The following FKBP5 variants were observed in gnomAD, a reference collection of about 807,000 sequenced individuals.
FKBP5 encodes peptidyl-prolyl cis-trans isomerase FKBP5.
FKBP5 carries 23 observed loss-of-function variants against 50.5 expected under a neutral mutation model. That is an observed-to-expected ratio of 0.46 (90% CI 0.33 to 0.65). FKBP5 has a LOEUF of 0.65. Ranked by LOEUF, FKBP5 falls within the 30% of genes least tolerant of loss-of-function variation. The pLI is 0.02. For missense variants in FKBP5, 411 were observed against 553.1 expected, an observed-to-expected ratio of 0.74 and a Z score of 2.58; for synonymous variants, 176 against 190.6, an observed-to-expected ratio of 0.92 and a Z score of 0.63.
chr6:35,614,507 T>TTTGCCAGACTCGTAGA (rs1763584816), intron 5 of FKBP5, among the ~76,000 whole-genome samples: 6 of 152,058 alleles, frequency 3.9e-5, no homozygotes, highest in African/African-American at 1.5e-4. Flanking sequence ...TTGAGTAACA[T>TTTGCCAGACTCGTAGA]AATCACATTG....
upstream of FKBP5, among the ~76,000 whole-genome samples, chr6:35,692,194 G>T (rs974298503): frequency 6.6e-6 from 1 of 152,134 alleles, no homozygotes; most frequent in Non-Finnish European, 1.5e-5. Context: ...TACCCAGGCT[G>T]GCCTGGAACC....
chr6:35,623,052 C>T (rs1419753996), intron 3 of FKBP5, among the ~76,000 whole-genome samples: 1 of 151,890 alleles, frequency 6.6e-6, no homozygotes, highest in Non-Finnish European at 1.5e-5. Context: ...ACCATCCTGG[C>T]TCACACGGTG....
At chr6:35,708,648 C>T (rs995145594) in intron 2 of FKBP5, among the ~76,000 whole-genome samples, 21 of 152,012 alleles carry the variant, frequency 1.4e-4, no homozygotes, top group Admixed American at 4.6e-4. Context: ...AGTATCCATT[C>T]TTCTCTTCCC....
At chr6:35,689,716 C>T (rs1031112114), upstream of FKBP5, among the ~76,000 whole-genome samples, 1 of 152,000 alleles carries the variant, frequency 6.6e-6, no homozygotes, top group Non-Finnish European at 1.5e-5. Context: ...TGGCGCGCGC[C>T]GTCCCAGCTA....
intron 1 of FKBP5, among the ~76,000 whole-genome samples, chr6:35,726,536 CCACACACACACACA>C (rs10599241): frequency 4.6e-4 from 64 of 139,384 alleles, no homozygotes; most frequent in South Asian, 1.2e-3. Context: ...TCCTCCTCCT[CCACACACACACACA>C]CACACACACA....
chr6:35,629,297 G>A (rs1416711922), intron 3 of FKBP5, among the ~76,000 whole-genome samples: 1 of 151,944 alleles, frequency 6.6e-6, no homozygotes. Context: ...GTAGAGATGG[G>A]GTTTCACCAT....
intron 1 of FKBP5, among the ~76,000 whole-genome samples, chr6:35,728,047 C>A (rs1021283066): frequency 5.9e-5 from 9 of 152,196 alleles, no homozygotes; most frequent in African/African-American, 2.2e-4. Context: ...GAGCGCAAGC[C>A]GCGAGCACAA....
intron 4 of FKBP5, 72 bp from the exon 5 acceptor site, chr6:35,619,282 C>A (rs1763753664): frequency 1.2e-6 from 1 of 859,942 alleles, no homozygotes; most frequent in Non-Finnish European, 1.9e-6. Context: ...AAGGCAAGGG[C>A]AACCAATTAT....
At chr6:35,656,687 C>A (rs965827753) in intron 1 of FKBP5, among the ~76,000 whole-genome samples, 1 of 151,674 alleles carries the variant, frequency 6.6e-6, no homozygotes, top group Non-Finnish European at 1.5e-5. Flanking sequence ...GTCAGGAGTT[C>A]GAGATTTGAG....
At chr6:35,719,900 G>A (rs989705538) in intron 2 of FKBP5, among the ~76,000 whole-genome samples, 2 of 152,234 alleles carry the variant, frequency 1.3e-5, no homozygotes, top group African/African-American at 4.8e-5. Flanking sequence ...GTGAGTCTTG[G>A]CTGAGGGGTG....
intron 9 of FKBP5, among the ~76,000 whole-genome samples, chr6:35,578,805 T>C (rs1238562240): frequency 1.3e-5 from 2 of 151,296 alleles, no homozygotes; most frequent in Admixed American, 6.6e-5. Context: ...GAGAACAGGC[T>C]TCCTATTGCC....
intron 1 of FKBP5, among the ~76,000 whole-genome samples, chr6:35,655,335 T>C (rs1764918162): frequency 6.6e-6 from 1 of 152,100 alleles, no homozygotes; most frequent in Admixed American, 6.5e-5. Context: ...CCATGGAACT[T>C]ACATTTTGAT....
At chr6:35,610,627 T>A (rs1277629966) in intron 5 of FKBP5, among the ~76,000 whole-genome samples, 1 of 149,734 alleles carries the variant, frequency 6.7e-6, no homozygotes, top group Non-Finnish European at 1.5e-5. Context: ...CTAGTCGAAG[T>A]CCTAACACTT....
rs534693368 is a variant in FKBP5, at chr6:35,622,967, G to A, written c.251-2693C>T. Reference sequence around the variant, plus strand: ...TTTAAGAATTATTAGATAAGGCCGGGCGTGGTGGCTCACGCCTGTAATCCC... The same window carrying A: ...TTTAAGAATTATTAGATAAGGCCGGACGTGGTGGCTCACGCCTGTAATCCC... On this transcript the variant is annotated intron_variant, in intron 3 of 10. Transcript: ENST00000357266. Among the ~76,000 whole-genome samples the A allele has an allele frequency of 2.8e-4, 42 of 152,344 alleles. No homozygotes were observed. The South Asian group carries it at 3.9e-3, about 14-fold the overall frequency.
intron 2 of FKBP5, among the ~76,000 whole-genome samples, chr6:35,704,839 C>T (rs1766251596): frequency 6.6e-6 from 1 of 151,934 alleles, no homozygotes; most frequent in African/African-American, 2.4e-5. Flanking sequence ...AAAACTGTCA[C>T]TGAAACCATT....
At chr6:35,666,394 TA>T (rs550878351) in intron 1 of FKBP5, among the ~76,000 whole-genome samples, 1,206 of 33,164 alleles carry the variant, frequency 0.036, 34 homozygotes, top group African/African-American at 0.12. Context: ...CTATTATAGT[TA>T]AAAAAAAAAA....
rs568591351 is a variant in FKBP5 at position 35,653,570 on chromosome 6, T to C, written c.-19-10727A>G. 2.0e-5 allele frequency among the ~76,000 whole-genome samples: 3 copies of C among 152,340 alleles called. No homozygotes were observed. In the East Asian group the frequency reaches 5.8e-4, roughly 29 times the overall value. On this transcript the variant is annotated intron_variant, in intron 1 of 10. Coordinates refer to ENST00000357266, the MANE Select transcript of FKBP5 (RefSeq NM_004117.4). Reference sequence around the variant, plus strand: ...CTGTACTATTCTTGAGTGTCATCGCTTAGGAATGAATATGATTTGAATTCA... The same window carrying C: ...CTGTACTATTCTTGAGTGTCATCGCCTAGGAATGAATATGATTTGAATTCA...
intron 8 of FKBP5, chr6:35,582,840 T>G: frequency 1.0e-6 from 1 of 984,926 alleles, no homozygotes; most frequent in Non-Finnish European, 1.2e-6. Flanking sequence ...CCTCTCCCTT[T>G]TGGAATATTC....
At chr6:35,586,479 A>G in intron 8 of FKBP5, 3 of 988,166 alleles carry the variant, frequency 3.0e-6, no homozygotes, top group Non-Finnish European at 3.6e-6. Context: ...AGTCTAAAGG[A>G]AGATGGGCCC....
Sources: allele counts gnomAD v4.1 joint callset (sites outside exome capture counted in the v4.1 genomes callset), GRCh38; gene constraint gnomAD v4.1.1; transcripts MANE v1.5; gene names NCBI Gene and HGNC (gene_info 2026-07-23, HGNC 2026-07-21).